APLP2: variants seen among roughly 807,000 people sequenced by gnomAD.
APLP2 encodes the protein CDEI box-binding protein.
APLP2 carries 53 observed loss-of-function variants against 89.9 expected under a neutral mutation model. The ratio of observed to expected loss-of-function variants is 0.59; its 90% CI spans 0.47 to 0.74. The LOEUF (loss-of-function observed/expected upper bound fraction) is 0.74, where lower values mean the gene tolerates loss of function less well. Ranked by LOEUF, APLP2 falls within the 30% of genes least tolerant of loss-of-function variation. The probability of loss-of-function intolerance (pLI) is 0.00; values close to 1 mark genes in which losing one functional copy is unlikely to be tolerated. For missense variants in APLP2, 973 were observed against 975.9 expected (o/e 1.00, Z 0.04); for synonymous variants, 372 against 348.6 (o/e 1.07, Z -0.75).
At chr11:130,101,807 G>A (rs1186381739) in intron 1 of APLP2, 2 of 389,420 alleles carry the variant, frequency 5.1e-6, no homozygotes, top group African/African-American at 2.1e-5. Flanking sequence ...GCACAGCACT[G>A]TTAACTGACT....
At chr11:130,091,591 G>T (rs1473848396) in intron 1 of APLP2, among the ~76,000 whole-genome samples, 149 of 140,264 alleles carry the variant, frequency 1.1e-3, no homozygotes, top group African/African-American at 3.8e-3. Flanking sequence ...CGGGTGGGGG[G>T]GCTGACCCCC....
chr11:130,116,919 C>A (rs1173624673), intron 3 of APLP2, among the ~76,000 whole-genome samples: 2 of 151,978 alleles, frequency 1.3e-5, no homozygotes, highest in African/African-American at 2.4e-5. Context: ...CATTTGAGAT[C>A]AGGAGTTCAA....
intron 1 of APLP2, among the ~76,000 whole-genome samples, chr11:130,083,363 C>T (rs1943570033): frequency 6.9e-6 from 1 of 144,434 alleles, no homozygotes; most frequent in Non-Finnish European, 1.5e-5. Context: ...GTGGTAAGAA[C>T]ACTTAACATG....
rs1215857925 is a variant in APLP2, at chr11:130,121,615, C to T, written c.518C>T (p.Ala173Val). ...ATGTGGCCTGTGGGTTTCTTTTAGGCATGTCTGACTCAGGGAATGACCTTA... is the reference window on the plus strand; with the variant it reads ...ATGTGGCCTGTGGGTTTCTTTTAGGTATGTCTGACTCAGGGAATGACCTTA... Reference protein sequence around the residue: ...HQHWHTVVKEACLTQGMTLYS... With the variant: ...HQHWHTVVKEVCLTQGMTLYS... Residue 173 changes from alanine to valine, a missense_variant and splice_region_variant, in exon 5 of 17, where the codon GCA becomes GTA. Coordinates refer to ENST00000338167, the MANE Select transcript of APLP2 (RefSeq NM_001142276.2). 1.2e-6 allele frequency: 2 copies of T among 1,611,776 alleles called. No homozygotes were observed. Among genetic ancestry groups the T allele is most frequent in the South Asian group, 1.1e-5 (1 of 90,826 alleles).
At chr11:130,070,601 C>A in intron 1 of APLP2, 1 of 1,355,028 alleles carries the variant, frequency 7.4e-7, no homozygotes, top group Non-Finnish European at 9.4e-7. Flanking sequence ...CCGGCCTTCG[C>A]GCGCGGCAGG....
At chr11:130,128,418 T>C (rs6590445) in intron 9 of APLP2, among the ~76,000 whole-genome samples, 23,109 of 152,196 alleles carry the variant, frequency 0.15, 3,694 homozygotes, top group African/African-American at 0.41. Context: ...TAATAAAGTG[T>C]TAAAAATAAT....
intron 12 of APLP2, among the ~76,000 whole-genome samples, chr11:130,135,202 T>TA (rs893604872): frequency 2.6e-5 from 4 of 151,976 alleles, no homozygotes; most frequent in African/African-American, 9.7e-5. Context: ...TTCTTATTTT[T>TA]AAAAAAAAGT....
chr11:130,070,754 T>G, intron 1 of APLP2: 2 of 1,426,708 alleles, frequency 1.4e-6, no homozygotes, highest in East Asian at 6.1e-5. Flanking sequence ...CTGGGTGCGT[T>G]GACCGCTTTC....
chr11:130,112,868 A>G (rs1193110556), intron 3 of APLP2, among the ~76,000 whole-genome samples: 1 of 152,168 alleles, frequency 6.6e-6, no homozygotes, highest in Admixed American at 6.5e-5. Flanking sequence ...GTCATGCTTT[A>G]GGTTTTATCA....
At chr11:130,126,583 A>G (rs1950389849) in intron 7 of APLP2, 117 bp from the exon 8 acceptor site, 1 of 1,200,844 alleles carries the variant, frequency 8.3e-7, no homozygotes, top group Non-Finnish European at 1.2e-6. Flanking sequence ...AGCACCCTGC[A>G]CTTAGAGAAT....
At chr11:130,090,900 C>G (rs1341654209) in intron 1 of APLP2, among the ~76,000 whole-genome samples, 15 of 149,624 alleles carry the variant, frequency 1.0e-4, no homozygotes, top group Non-Finnish European at 1.5e-4. Context: ...GGGGCTGACC[C>G]CCCCCATCTC....
chr11:130,093,980 C>T (rs1034799964), intron 1 of APLP2, among the ~76,000 whole-genome samples: 3 of 151,132 alleles, frequency 2.0e-5, no homozygotes, highest in Non-Finnish European at 4.4e-5. Context: ...CTCCTGACCT[C>T]GTGATCCGCC....
At chr11:130,090,849 G>A (rs1324276394) in intron 1 of APLP2, among the ~76,000 whole-genome samples, 8 of 151,700 alleles carry the variant, frequency 5.3e-5, no homozygotes, top group Non-Finnish European at 8.8e-5. Flanking sequence ...GCCGGGCAGA[G>A]GCGCCCCTCA....
At chr11:130,142,601 T>C (rs1249515431) in intron 16 of APLP2, among the ~76,000 whole-genome samples, 2 of 152,066 alleles carry the variant, frequency 1.3e-5, no homozygotes, top group East Asian at 3.9e-4. Context: ...GTTATTTGTG[T>C]TTTTTTGTTT....
chr11:130,128,319 G>T (rs1191848174), intron 9 of APLP2, among the ~76,000 whole-genome samples: 2 of 152,124 alleles, frequency 1.3e-5, no homozygotes, highest in Non-Finnish European at 2.9e-5. Flanking sequence ...GCAATTTCCA[G>T]GACTGATTTG....
rs1951038950 is a variant in APLP2 at position 130,132,512 on chromosome 11, C to T, written c.1585-1117C>T. 2.0e-5 allele frequency among the ~76,000 whole-genome samples: 3 copies of T among 152,050 alleles called. No homozygotes were observed. In the South Asian group the frequency reaches 6.2e-4, roughly 32 times the overall value. On this transcript the variant is annotated intron_variant, in intron 11 of 16. Transcript: ENST00000338167. ...GAAAAGCTTGTGGGAGCTACAGCAA[C>T]ACACCTCGCCGTGTCATTGGGGTGG... is the stretch of plus-strand genomic sequence containing the variant.
At chr11:130,142,175 C>A in intron 16 of APLP2, 101 bp downstream of exon 16, 1 of 1,295,546 alleles carries the variant, frequency 7.7e-7, no homozygotes. Flanking sequence ...GAGTACTGGA[C>A]ATGCTGCTGT....
chr11:130,106,751 C>T (rs768047081), intron 1 of APLP2, among the ~76,000 whole-genome samples: 7 of 151,790 alleles, frequency 4.6e-5, no homozygotes, highest in Non-Finnish European at 7.4e-5. Flanking sequence ...TGCAATTGTG[C>T]AATCTCGGCT....
At chr11:130,073,435 T>C (rs1319847693) in intron 1 of APLP2, among the ~76,000 whole-genome samples, 2 of 152,260 alleles carry the variant, frequency 1.3e-5, no homozygotes, top group Admixed American at 6.5e-5. Context: ...TCCTATATTT[T>C]TCCACATAAA....
Sources: allele counts gnomAD v4.1 joint callset (sites outside exome capture counted in the v4.1 genomes callset), GRCh38; gene constraint gnomAD v4.1.1; transcripts MANE v1.5; gene names NCBI Gene and HGNC (gene_info 2026-07-23, HGNC 2026-07-21).